The following BABAM2 variants were observed in gnomAD, a reference collection of about 807,000 sequenced individuals.
The protein encoded by BABAM2 is BRISC and BRCA1-A complex member 2.
A neutral mutation model predicts 54.7 loss-of-function variants in BABAM2; 31 were observed. The observed-to-expected ratio is 0.57, with a 90% CI of 0.43 to 0.77. The LOEUF is 0.77. BABAM2 is among the 30% of genes least tolerant of loss of function. The probability of loss-of-function intolerance (pLI) is 0.00; values close to 1 mark genes in which losing one functional copy is unlikely to be tolerated. For synonymous variants in BABAM2, 167 were observed against 162.9 expected (o/e 1.03, Z -0.19); for missense variants, 364 against 455.8 (o/e 0.80, Z 1.83).
chr2:28,259,931 G>A (rs192116242), intron 10 of BABAM2, among the ~76,000 whole-genome samples: 22 of 148,896 alleles, frequency 1.5e-4, no homozygotes, highest in Non-Finnish European at 2.4e-4. Flanking sequence ...ATGGAGTCTC[G>A]CTTTTGTCGC....
chr2:28,165,529 C>CTTTTTTTTTTTTTTTTTTTTTTTT (rs1192641957), intron 7 of BABAM2, among the ~76,000 whole-genome samples: 2 of 72,252 alleles, frequency 2.8e-5, no homozygotes, highest in Non-Finnish European at 4.8e-5. Flanking sequence ...TTTTTCCTTG[C>CTTTTTTTTTTTTTTTTTTTTTTTT]TTTTTTTTTT....
chr2:28,220,811 A>G (rs1680332805), intron 7 of BABAM2, among the ~76,000 whole-genome samples: 1 of 152,144 alleles, frequency 6.6e-6, no homozygotes, highest in Non-Finnish European at 1.5e-5. Context: ...AGTCCCAGCT[A>G]CTTAGGACGC....
intron 7 of BABAM2, among the ~76,000 whole-genome samples, chr2:28,224,800 C>A (rs966492055): frequency 7.5e-6 from 1 of 133,656 alleles, no homozygotes; most frequent in Non-Finnish European, 1.5e-5. Flanking sequence ...ATTGTTAGCA[C>A]GATAGGGAGG....
At chr2:28,086,333 A>G (rs1295328149) in intron 6 of BABAM2, among the ~76,000 whole-genome samples, 3 of 152,192 alleles carry the variant, frequency 2.0e-5, no homozygotes, top group Admixed American at 6.5e-5. Flanking sequence ...GAGTTCGTAG[A>G]ACAGTCTTTT....
chr2:28,191,393 T>C (rs932379138), intron 7 of BABAM2, among the ~76,000 whole-genome samples: 1 of 152,220 alleles, frequency 6.6e-6, no homozygotes, highest in African/African-American at 2.4e-5. Flanking sequence ...CTGCAGGTAC[T>C]TGGTCAAGAG....
chr2:27,968,312 C>T (rs1670969142), intron 3 of BABAM2, among the ~76,000 whole-genome samples: 1 of 152,240 alleles, frequency 6.6e-6, no homozygotes, highest in African/African-American at 2.4e-5. Flanking sequence ...TCAGAGGGTG[C>T]AAGCCCCGAG....
At chr2:28,277,639 C>T (rs769733700) in intron 10 of BABAM2, among the ~76,000 whole-genome samples, 4 of 152,174 alleles carry the variant, frequency 2.6e-5, no homozygotes, top group Admixed American at 6.5e-5. Context: ...CGGTTGCCTC[C>T]GTAACCAGCT....
chr2:28,258,517 A>T (rs1009084981), intron 10 of BABAM2, among the ~76,000 whole-genome samples: 11 of 151,996 alleles, frequency 7.2e-5, no homozygotes, highest in African/African-American at 2.4e-4. Flanking sequence ...GCAATTCCCT[A>T]ATGACTAGTG....
intron 6 of BABAM2, among the ~76,000 whole-genome samples, chr2:28,112,151 C>CTTTCTTTCTTTCTTTCTTTCTTTCT (rs1261759583): frequency 1.0e-4 from 2 of 19,604 alleles, no homozygotes; most frequent in Admixed American, 6.1e-4. Context: ...CTTTCTTTAC[C>CTTTCTTTCTTTCTTTCTTTCTTTCT]TCCCTCCCTC....
chr2:28,046,978 C>T (rs1052366186), intron 6 of BABAM2, among the ~76,000 whole-genome samples: 9 of 152,106 alleles, frequency 5.9e-5, no homozygotes, highest in African/African-American at 1.7e-4. Flanking sequence ...GGTCCTCCCA[C>T]CTCACCCTCC....
In BABAM2 at chr2:27,995,370, C is replaced by T. The variant is rs1673066854; in HGVS notation, c.300+7283C>T. ...CTCTGCTGTGCCTTGCACTGTTCCT[C>T]CATCACTCTCTGTTGACAAGCTGAA... On this transcript the variant is annotated intron_variant, in intron 4 of 11. Coordinates refer to ENST00000379624, the MANE Select transcript of BABAM2 (RefSeq NM_199191.3). This position sits in a 1 kb window ranked among gnomAD's most constrained non-coding sequence, Gnocchi z 4.1. Among the ~76,000 whole-genome samples the T allele has an allele frequency of 6.6e-6, 1 of 152,144 alleles. No individual in the cohort carries two copies. The highest frequency in any genetic ancestry group is 2.4e-5 in the African/African-American group (1 of 41,428).
At chr2:27,977,844 G>A (rs974054822) in intron 3 of BABAM2, among the ~76,000 whole-genome samples, 1 of 152,150 alleles carries the variant, frequency 6.6e-6, no homozygotes, top group African/African-American at 2.4e-5. Context: ...TAGTGGGGTT[G>A]AAAGATAGGT....
chr2:28,068,785 C>T (rs1048675698), intron 6 of BABAM2, among the ~76,000 whole-genome samples: 7 of 151,946 alleles, frequency 4.6e-5, no homozygotes, highest in Admixed American at 2.6e-4. Flanking sequence ...CATATGGCCC[C>T]GACACCGACA....
intron 6 of BABAM2, among the ~76,000 whole-genome samples, chr2:28,067,917 TTTC>T (rs1420529195): frequency 6.6e-6 from 1 of 152,194 alleles, no homozygotes; most frequent in Non-Finnish European, 1.5e-5. Flanking sequence ...CAGTAAGAAT[TTTC>T]TTTTTTCCTT....
chr2:28,109,322 G>C (rs1027103061), intron 6 of BABAM2, among the ~76,000 whole-genome samples: 2 of 151,754 alleles, frequency 1.3e-5, no homozygotes, highest in Non-Finnish European at 2.9e-5. Flanking sequence ...CCAAGTAGCT[G>C]GGACTACAGG....
intron 7 of BABAM2, among the ~76,000 whole-genome samples, chr2:28,223,245 C>T (rs1327697987): frequency 6.6e-6 from 1 of 152,228 alleles, no homozygotes; most frequent in Non-Finnish European, 1.5e-5. Flanking sequence ...ATAGCCTCCT[C>T]AATTCCCTCT....
At chr2:27,993,130 C>T (rs912970377) in intron 4 of BABAM2, among the ~76,000 whole-genome samples, 1 of 152,124 alleles carries the variant, frequency 6.6e-6, no homozygotes, top group Non-Finnish European at 1.5e-5. Flanking sequence ...GAGGGGTTTT[C>T]TGGGATGCAG....
chr2:27,980,724 T>C (rs1018720771), intron 3 of BABAM2, among the ~76,000 whole-genome samples: 1 of 52,210 alleles, frequency 1.9e-5, no homozygotes, highest in Non-Finnish European at 3.6e-5. Context: ...TTTTAGTACA[T>C]ATCTTTTCCT....
chr2:28,026,208 T>G (rs1201909820), intron 5 of BABAM2, among the ~76,000 whole-genome samples: 4 of 152,162 alleles, frequency 2.6e-5, no homozygotes, highest in Non-Finnish European at 5.9e-5. Flanking sequence ...GAAATACCAT[T>G]TGACTCAGCA....
Sources: allele counts gnomAD v4.1 joint callset (sites outside exome capture counted in the v4.1 genomes callset), GRCh38; gene constraint gnomAD v4.1.1; non-coding constraint Gnocchi (gnomAD v3.1); transcripts MANE v1.5; gene names NCBI Gene and HGNC (gene_info 2026-07-23, HGNC 2026-07-21).